SLA: variants seen among roughly 807,000 people sequenced by gnomAD.
SLA encodes the protein src-like-adapter.
Under a neutral mutation model 30.3 loss-of-function variants are expected in SLA, and 16 were observed. That is an observed-to-expected ratio of 0.53 (90% confidence interval 0.36 to 0.80). The LOEUF (loss-of-function observed/expected upper bound fraction) is 0.80, where lower values mean the gene tolerates loss of function less well. Ranked by LOEUF, SLA falls within the 30% of genes least tolerant of loss-of-function variation. The probability of loss-of-function intolerance (pLI) is 0.01; values close to 1 mark genes in which losing one functional copy is unlikely to be tolerated. For missense variants in SLA, 310 were observed against 345.2 expected, an observed-to-expected ratio of 0.90 and a Z score of 0.81; for synonymous variants, 143 against 137.8, an observed-to-expected ratio of 1.04 and a Z score of -0.26.
At chr8:133,062,200 G>A (rs1213428817) in intron 2 of SLA, among the ~76,000 whole-genome samples, 1 of 152,128 alleles carries the variant, frequency 6.6e-6, no homozygotes, top group Non-Finnish European at 1.5e-5. Flanking sequence ...CTTTCTTCAT[G>A]CTTGCCCCTA....
chr8:133,047,074 C>T (rs143599107), intron 6 of SLA: 2 of 152,312 alleles, frequency 1.3e-5, no homozygotes, highest in Admixed American at 6.5e-5. Context: ...ATGGTACTCT[C>T]CTACTGTAAA....
chr8:133,060,419 G>T, intron 2 of SLA: 1 of 1,485,242 alleles, frequency 6.7e-7, no homozygotes, highest in Non-Finnish European at 8.9e-7. Flanking sequence ...AGAGAGGGAA[G>T]TTGCTAGCAA....
chr8:133,061,311 G>A (rs975269507), intron 2 of SLA, among the ~76,000 whole-genome samples: 4 of 152,204 alleles, frequency 2.6e-5, no homozygotes, highest in Non-Finnish European at 4.4e-5. Context: ...GCCTGGCCAA[G>A]TCATTAACCT....
chr8:133,052,744 C>A (rs1336003146), intron 3 of SLA, among the ~76,000 whole-genome samples: 1 of 152,152 alleles, frequency 6.6e-6, no homozygotes, highest in Non-Finnish European at 1.5e-5. Context: ...TACACAATTG[C>A]AAATACAAAA....
chr8:133,084,508 C>T (rs759352204), intron 1 of SLA, among the ~76,000 whole-genome samples: 17 of 152,160 alleles, frequency 1.1e-4, no homozygotes, highest in Non-Finnish European at 2.5e-4. Context: ...TAAAGTGTGA[C>T]ACCTTTGCCT....
At chr8:133,093,191 C>G (rs536920180) in intron 1 of SLA, among the ~76,000 whole-genome samples, 1 of 149,072 alleles carries the variant, frequency 6.7e-6, no homozygotes, top group Non-Finnish European at 1.5e-5. Flanking sequence ...AAAAGCTGCC[C>G]TGCTCATTGT....
intron 2 of SLA, among the ~76,000 whole-genome samples, chr8:133,069,887 G>C (rs1843694934): frequency 6.6e-6 from 1 of 151,220 alleles, no homozygotes; most frequent in Non-Finnish European, 1.5e-5. Context: ...TGAAATCCCA[G>C]CTACTTGGGA....
In SLA at chr8:133,038,852, G is replaced by A. The variant is rs935311173; in HGVS notation, c.618-115C>T. 11 of 637,120 alleles carry A rather than the reference G, an allele frequency of 1.7e-5. No homozygotes were observed. The Admixed American group carries it at 2.9e-4, about 17-fold the overall frequency. 39.5% of individuals were successfully genotyped at this position (637,120 alleles called of 1,614,324 possible). A position where few individuals can be genotyped will look rare whatever the true frequency, so the allele number is the denominator to read the frequency against. ...GAGGAAAAGAAAAACAAAAATCCTGGTGACTATTTCTCTAACTTATTATTA... is the reference window on the plus strand; with the variant it reads ...GAGGAAAAGAAAAACAAAAATCCTGATGACTATTTCTCTAACTTATTATTA... On this transcript the variant is annotated intron_variant, in intron 8 of 8. Coordinates refer to ENST00000338087, the MANE Select transcript of SLA (RefSeq NM_001045556.3).
chr8:133,100,120 G>T (rs1037988166), intron 1 of SLA, among the ~76,000 whole-genome samples: 1 of 152,156 alleles, frequency 6.6e-6, no homozygotes, highest in Non-Finnish European at 1.5e-5. Context: ...TGGCTCACTG[G>T]TTTATCCCTT....
At chr8:133,085,175 G>T (rs1361659098) in intron 1 of SLA, among the ~76,000 whole-genome samples, 1 of 152,124 alleles carries the variant, frequency 6.6e-6, no homozygotes, top group Non-Finnish European at 1.5e-5. Flanking sequence ...ATATACCAAG[G>T]TATAATCTCT....
intron 1 of SLA, chr8:133,087,939 T>C (rs988235522): frequency 4.6e-5 from 7 of 152,218 alleles, no homozygotes; most frequent in African/African-American, 1.4e-4. Context: ...TTTAAACTTC[T>C]TAGACTCTCT....
intron 8 of SLA, 78 bp downstream of exon 8, chr8:133,039,920 T>C (rs1837852371): frequency 6.6e-7 from 1 of 1,511,398 alleles, no homozygotes; most frequent in Non-Finnish European, 8.9e-7. Context: ...ACACACACCG[T>C]TTTGTGCTCA....
Position 133,050,931 on chromosome 8 carries a change from CAAGGGGG to C in SLA, c.62-23_62-17del. 1 of 1,543,862 alleles carries C rather than the reference CAAGGGGG, an allele frequency of 6.5e-7. No individual in the cohort carries two copies. The highest frequency in any genetic ancestry group is 9.0e-7 in the Non-Finnish European group (1 of 1,116,628). ...CTATCCAGTCCTGGGGAAACAAAGG[CAAGGGGG>C]AAGGGGGCAAGGTGCTTTTTATTCA... On this transcript the variant is annotated splice_polypyrimidine_tract_variant and intron_variant, in intron 3 of 8. Transcript: ENST00000338087.
chr8:133,067,929 G>C (rs1226768970), intron 2 of SLA, among the ~76,000 whole-genome samples: 1 of 148,674 alleles, frequency 6.7e-6, no homozygotes, highest in Non-Finnish European at 1.5e-5. Flanking sequence ...GAGAGAGAGA[G>C]AGAAAGAAAG....
At chr8:133,095,510 A>G (rs1848273742) in intron 1 of SLA, among the ~76,000 whole-genome samples, 1 of 152,232 alleles carries the variant, frequency 6.6e-6, no homozygotes, top group Non-Finnish European at 1.5e-5. Flanking sequence ...CACACATGTG[A>G]AGGATTTGGC....
In SLA at chr8:133,039,998, C is replaced by A; in HGVS notation, c.617G>T (p.Arg206Ile). 15 of 1,550,506 alleles carry A rather than the reference C, an allele frequency of 9.7e-6. No individual in the cohort carries two copies. Among genetic ancestry groups the A allele is most frequent in the Non-Finnish European group, 1.3e-5 (15 of 1,146,830 alleles). ...ACACACATACACACACCATACTCACCTGGACACTCTCCTCCAGTCCACAGT... is the reference window on the plus strand; with the variant it reads ...ACACACATACACACACCATACTCACATGGACACTCTCCTCCAGTCCACAGT... Reference protein sequence around the residue: ...QKTVDWRRVSRLQEDPEGTEN... With the variant: ...QKTVDWRRVSILQEDPEGTEN... Residue 206 changes from arginine to isoleucine, a missense_variant and splice_region_variant, in exon 8 of 9, where the codon AGA (arginine) becomes ATA (isoleucine). By Grantham distance (97) the Arg-to-Ile change is moderately conservative. Coordinates refer to ENST00000338087, the MANE Select transcript of SLA (RefSeq NM_001045556.3).
rs1837560594 is a variant in SLA, at chr8:133,038,737, T to C, written c.618A>G (p.Arg206=). The C allele has an allele frequency of 1.9e-6, 3 of 1,611,452 alleles. No individual in the cohort carries two copies. The highest frequency in any genetic ancestry group is 2.5e-6 in the Non-Finnish European group (3 of 1,178,098). The part of the protein sequence containing the change: ...QKTVDWRRVS[R]LQEDPEGTEN... ...CTGTTCCCTCGGGGTCCTCCTGCAG[T>C]CTGTGGGCCAGAAGAAAAGGCAGTA... Residue 206 remains arginine (R), a splice_region_variant and synonymous_variant, in exon 9 of 9, where the codon AGA becomes AGG. Coordinates refer to ENST00000338087, the MANE Select transcript of SLA (RefSeq NM_001045556.3).
rs1842167112 is a variant in SLA at position 133,060,199 on chromosome 8, G to C, written c.-39C>G. On this transcript the variant is annotated splice_region_variant and 5_prime_UTR_variant, in exon 3 of 9. Coordinates refer to ENST00000338087, the MANE Select transcript of SLA (RefSeq NM_001045556.3). ...CCTGGGGCCGCTGGTGATGCCCAGA[G>C]CCTGTGGTATAGGAGACAGACGGGG... The C allele has an allele frequency of 2.5e-6, 4 of 1,613,484 alleles. No individual in the cohort carries two copies. In the Admixed American group the frequency reaches 6.7e-5, roughly 27 times the overall value.
intron 2 of SLA, among the ~76,000 whole-genome samples, chr8:133,074,093 G>T (rs2739154): frequency 0.43 from 65,353 of 151,920 alleles, 14,351 homozygotes; most frequent in Non-Finnish European, 0.46. Flanking sequence ...AAAGAATGTG[G>T]AGTGTGCCAT....
Sources: allele counts gnomAD v4.1 joint callset (sites outside exome capture counted in the v4.1 genomes callset), GRCh38; gene constraint gnomAD v4.1.1; transcripts MANE v1.5; gene names NCBI Gene and HGNC (gene_info 2026-07-23, HGNC 2026-07-21).